Variants in MTMR3 observed in about 807,000 individuals in gnomAD.
MTMR3 encodes the protein phosphatidylinositol-3,5-bisphosphate 3-phosphatase MTMR3.
A neutral mutation model predicts 132.4 loss-of-function variants in MTMR3; 32 were observed. The observed-to-expected ratio is 0.24, with a 90% confidence interval of 0.18 to 0.32. The LOEUF is 0.32. MTMR3 is among the 10% of genes least tolerant of loss of function. The pLI is 1.00. For synonymous variants in MTMR3, 556 were observed against 550.3 expected (o/e 1.01, Z -0.14); for missense variants, 1,216 against 1,489.6 (o/e 0.82, Z 3.02).
At chr22:29,899,602 C>T (rs969359328) in intron 1 of MTMR3, 3 of 152,130 alleles carry the variant, frequency 2.0e-5, no homozygotes, top group African/African-American at 4.8e-5. Context: ...GATGGAAAGC[C>T]TCACCAATTT....
intron 1 of MTMR3, among the ~76,000 whole-genome samples, chr22:29,904,557 C>T (rs2065059982): frequency 6.6e-6 from 1 of 152,168 alleles, no homozygotes; most frequent in Non-Finnish European, 1.5e-5. Flanking sequence ...CCTCTTAGGG[C>T]TCTTGTGAGA....
intron 1 of MTMR3, among the ~76,000 whole-genome samples, chr22:29,896,902 C>CACACACAT (rs1272446403): frequency 6.7e-6 from 1 of 148,750 alleles, no homozygotes. Flanking sequence ...CACACACACA[C>CACACACAT]ATACACACAC....
chr22:30,006,506 T>C (rs577824342), intron 9 of MTMR3: 6 of 152,952 alleles, frequency 3.9e-5, no homozygotes, highest in African/African-American at 1.4e-4. Flanking sequence ...ACCTATAGAT[T>C]TAAGTTACGA....
chr22:29,929,558 GGA>G (rs773257704), intron 1 of MTMR3, among the ~76,000 whole-genome samples: 3 of 151,710 alleles, frequency 2.0e-5, no homozygotes, highest in African/African-American at 4.8e-5. Context: ...CACCCAGGCT[GGA>G]GTGTAGTGGC....
intron 1 of MTMR3, among the ~76,000 whole-genome samples, chr22:29,920,185 G>A (rs2065382534): frequency 1.3e-5 from 2 of 150,818 alleles, no homozygotes; most frequent in Admixed American, 1.3e-4. Flanking sequence ...CTGCACTGCA[G>A]CCTGGGCGAC....
chr22:29,959,815 G>C (rs994940785), intron 2 of MTMR3, among the ~76,000 whole-genome samples: 1 of 148,418 alleles, frequency 6.7e-6, no homozygotes, highest in Non-Finnish European at 1.5e-5. Context: ...TTGGAATGCA[G>C]TGGTGTGATC....
At chr22:29,890,324 C>T (rs1374439622) in intron 1 of MTMR3, among the ~76,000 whole-genome samples, 3 of 152,092 alleles carry the variant, frequency 2.0e-5, no homozygotes, top group African/African-American at 7.2e-5. Context: ...CAAGACCAGG[C>T]TGGCCAACAT....
chr22:29,959,899 T>C (rs2066276937), intron 2 of MTMR3, among the ~76,000 whole-genome samples: 1 of 151,722 alleles, frequency 6.6e-6, no homozygotes, highest in African/African-American at 2.4e-5. Flanking sequence ...GGTGGGACTA[T>C]GGGCATGTAC....
At position 30,020,157 on chromosome 22, in the gene MTMR3, T is replaced by G; in HGVS notation, c.2498T>G (p.Val833Gly). ...TCATGTTCTCTGCTACCTTCCCAAG[T>G]CCCTTTTGAGACCAGAGGACCAAAC... ...SQSCSLLPSQ[V>G]PFETRGPNVD... The change falls in exon 17 of 20, where the codon GTC (valine) becomes GGC (glycine). Residue 833 changes from valine (V) to glycine (G), a missense_variant. Val to Gly is a moderately radical substitution (Grantham distance 109). Around this residue, in one of 7 missense-constraint regions of MTMR3, gnomAD observed 852 missense variants for 852.0 expected, o/e 1.00. Transcript: ENST00000401950. The G allele has an allele frequency of 6.2e-7, 1 of 1,614,172 alleles. No individual in the cohort carries two copies. The highest frequency in any genetic ancestry group is 8.5e-7 in the Non-Finnish European group (1 of 1,180,032).
chr22:29,919,320 G>A (rs192014940), intron 1 of MTMR3, among the ~76,000 whole-genome samples: 404 of 152,098 alleles, frequency 2.7e-3, no homozygotes, highest in African/African-American at 9.1e-3. Flanking sequence ...ATGACATTTT[G>A]TCTTACCATG....
chr22:30,024,495 G>C (rs936527744), intron 19 of MTMR3: 2 of 152,156 alleles, frequency 1.3e-5, no homozygotes, highest in Admixed American at 1.3e-4. Flanking sequence ...TTTCTTTTCT[G>C]TCTTTCCATT....
At chr22:29,897,996 A>C (rs1433832847) in intron 1 of MTMR3, among the ~76,000 whole-genome samples, 1 of 151,828 alleles carries the variant, frequency 6.6e-6, no homozygotes, top group Non-Finnish European at 1.5e-5. Context: ...TATTTTTTGA[A>C]ACACAATCTT....
At chr22:29,988,743 G>T in intron 6 of MTMR3, 181 bp downstream of exon 6, 2 of 349,530 alleles carry the variant, frequency 5.7e-6, no homozygotes, top group East Asian at 4.5e-5. Context: ...TATGTTGAAA[G>T]ATGTTTTTTT....
chr22:30,017,053 G>T, intron 15 of MTMR3: 1 of 190,008 alleles, frequency 5.3e-6, no homozygotes, highest in South Asian at 1.2e-4. Flanking sequence ...CTCAGAATGA[G>T]CTGCCACCAG....
intron 16 of MTMR3, chr22:30,019,202 C>CAAAAA: frequency 6.5e-6 from 1 of 153,392 alleles, no homozygotes; most frequent in Non-Finnish European, 1.2e-5. Flanking sequence ...GACTCCGTCT[C>CAAAAA]AAAAAAAAAA....
intron 1 of MTMR3, among the ~76,000 whole-genome samples, chr22:29,911,869 G>A (rs1453188914): frequency 6.6e-6 from 1 of 152,154 alleles, no homozygotes; most frequent in East Asian, 1.9e-4. Context: ...TGCCTATACA[G>A]TGTAGAAGTT....
intron 1 of MTMR3, among the ~76,000 whole-genome samples, chr22:29,933,374 T>G (rs1421575469): frequency 6.6e-6 from 1 of 152,160 alleles, no homozygotes; most frequent in Admixed American, 6.5e-5. Context: ...TTTTATAGAT[T>G]AATTTTGAGG....
chr22:29,923,997 G>A (rs73396883), intron 1 of MTMR3, among the ~76,000 whole-genome samples: 2,515 of 152,234 alleles, frequency 0.017, 67 homozygotes, highest in African/African-American at 0.058. Context: ...GTTGCCTTTT[G>A]TACTCTGTTG....
At chr22:29,916,369 A>T (rs1445090458) in intron 1 of MTMR3, among the ~76,000 whole-genome samples, 2 of 152,188 alleles carry the variant, frequency 1.3e-5, no homozygotes, top group Non-Finnish European at 2.9e-5. Flanking sequence ...TTTAGTAAAG[A>T]TGTAGTAGTG....
Sources: allele counts gnomAD v4.1 joint callset (sites outside exome capture counted in the v4.1 genomes callset), GRCh38; gene constraint gnomAD v4.1.1; regional missense constraint gnomAD v4.1.1; transcripts MANE v1.5; gene names NCBI Gene and HGNC (gene_info 2026-07-23, HGNC 2026-07-21).